ARHGAP31: variants seen among roughly 807,000 people sequenced by gnomAD.
The protein encoded by ARHGAP31 is Rho GTPase activating protein 31.
In ARHGAP31, 34 loss-of-function variants were observed where a neutral mutation model predicts 113.9. The ratio of observed to expected loss-of-function variants is 0.30; its 90% confidence interval spans 0.23 to 0.40. The LOEUF (loss-of-function observed/expected upper bound fraction) is 0.40. ARHGAP31 is among the 10% of genes least tolerant of loss of function. ARHGAP31 has a pLI of 1.00. For synonymous variants in ARHGAP31, 650 were observed against 684.8 expected, an observed-to-expected ratio of 0.95 and a Z score of 0.79; for missense variants, 1,548 against 1,767.1, an observed-to-expected ratio of 0.88 and a Z score of 2.22.
Position 119,401,821 on chromosome 3 carries a change from G to A in ARHGAP31, c.1070-1G>A. The stretch of plus-strand genomic sequence containing the variant: ...ACCATACACTTGTTCCTTTTTACTA[G>A]GAAAAGAAACCAAGGGAAATTTCAA... On this transcript the variant is annotated splice_acceptor_variant, in intron 9 of 11. Coordinates refer to ENST00000264245, the MANE Select transcript of ARHGAP31 (RefSeq NM_020754.4). LOFTEE classifies it high-confidence loss of function. 1 of 1,613,794 alleles carries A rather than the reference G, an allele frequency of 6.2e-7. No individual in the cohort carries two copies. Among genetic ancestry groups the A allele is most frequent in the Non-Finnish European group, 8.5e-7 (1 of 1,179,972 alleles).
At position 119,414,092 on chromosome 3, in the gene ARHGAP31, T is replaced by G; in HGVS notation, c.2163T>G (p.Asp721Glu). The G allele has an allele frequency of 6.2e-7, 1 of 1,614,006 alleles. No homozygotes were observed. Among genetic ancestry groups the G allele is most frequent in the Non-Finnish European group, 8.5e-7 (1 of 1,180,010 alleles). Residue 721 changes from aspartate to glutamate, a missense_variant, in exon 12 of 12, where the codon GAT becomes GAG. Asp to Glu is a conservative substitution (Grantham distance 45). Coordinates refer to ENST00000264245, the MANE Select transcript of ARHGAP31 (RefSeq NM_020754.4). ...VSTPLEVWTR[D>E]PANQSTQGAS... ...CCCCTCTGGAGGTGTGGACTAGGGATCCAGCCAATCAGAGCACACAGGGGG... is the reference window on the plus strand; with the variant it reads ...CCCCTCTGGAGGTGTGGACTAGGGAGCCAGCCAATCAGAGCACACAGGGGG...
chr3:119,306,621 A>G (rs2079632734), intron 1 of ARHGAP31, among the ~76,000 whole-genome samples: 4 of 152,220 alleles, frequency 2.6e-5, no homozygotes, highest in Admixed American at 2.6e-4. Context: ...TGGAGAACAT[A>G]TGATTCTACC....
intron 1 of ARHGAP31, among the ~76,000 whole-genome samples, chr3:119,303,112 A>G (rs2079599678): frequency 6.6e-6 from 1 of 152,196 alleles, no homozygotes; most frequent in African/African-American, 2.4e-5. Flanking sequence ...TATGTATGCA[A>G]ATCGATGGTG....
In ARHGAP31 at chr3:119,295,015, T is replaced by C; in HGVS notation, c.100+11T>C. 6.2e-7 allele frequency: 1 copy of C among 1,613,306 alleles called. No homozygotes were observed. Among genetic ancestry groups the C allele is most frequent in the Non-Finnish European group, 8.5e-7 (1 of 1,179,264 alleles). On this transcript the variant is annotated intron_variant, in intron 1 of 11. Transcript: ENST00000264245. Reference sequence around the variant, plus strand: ...GCTCGGGACAGGATGGTAATGTGCCTTGGCCTTTCTCCCCCGCCCCCACCT... The same window carrying C: ...GCTCGGGACAGGATGGTAATGTGCCCTGGCCTTTCTCCCCCGCCCCCACCT...
At chr3:119,405,850 A>G (rs1214630303) in intron 10 of ARHGAP31, among the ~76,000 whole-genome samples, 1 of 152,162 alleles carries the variant, frequency 6.6e-6, no homozygotes, top group Non-Finnish European at 1.5e-5. Context: ...TTTTCAGGTA[A>G]TTTTTAGGAA....
intron 3 of ARHGAP31, among the ~76,000 whole-genome samples, chr3:119,373,781 A>G (rs2080323725): frequency 6.6e-6 from 1 of 152,092 alleles, no homozygotes; most frequent in Non-Finnish European, 1.5e-5. Flanking sequence ...GCTTTTTTAT[A>G]GTTTTCTGTT....
At chr3:119,300,310 C>T (rs2079569928) in intron 1 of ARHGAP31, among the ~76,000 whole-genome samples, 1 of 152,184 alleles carries the variant, frequency 6.6e-6, no homozygotes, top group South Asian at 2.1e-4. Flanking sequence ...AGCATCACCA[C>T]CTACCATCCA....
rs537225671 is a variant in ARHGAP31 at position 119,419,307 on chromosome 3, T to G, written c.*3043T>G. The stretch of plus-strand genomic sequence containing the variant: ...CATGTACTGACGTTTTCTTTCAGCA[T>G]TAGTGGTTGCTTAAGAAAATAGTAA... On this transcript the variant is annotated 3_prime_UTR_variant, in exon 12 of 12. Transcript: ENST00000264245. The G allele has an allele frequency of 6.6e-6, 1 of 152,354 alleles. No individual in the cohort carries two copies. Among genetic ancestry groups the G allele is most frequent in the East Asian group, 1.9e-4 (1 of 5,192 alleles). 9.4% of individuals were successfully genotyped at this position (152,354 alleles called of 1,614,324 possible).
At chr3:119,296,870 C>A (rs2107590190) in intron 1 of ARHGAP31, among the ~76,000 whole-genome samples, 1 of 152,326 alleles carries the variant, frequency 6.6e-6, no homozygotes, top group South Asian at 2.1e-4. Flanking sequence ...GGTTGTACAG[C>A]TAATCATGAA....
At chr3:119,372,111 T>C (rs2080303344) in intron 3 of ARHGAP31, among the ~76,000 whole-genome samples, 1 of 152,162 alleles carries the variant, frequency 6.6e-6, no homozygotes, top group Non-Finnish European at 1.5e-5. Context: ...TATGTTCCTT[T>C]GGATATATAC....
At chr3:119,335,948 G>C (rs888530924) in intron 1 of ARHGAP31, among the ~76,000 whole-genome samples, 2 of 152,120 alleles carry the variant, frequency 1.3e-5, no homozygotes, top group Non-Finnish European at 2.9e-5. Flanking sequence ...CAAGGTGTGC[G>C]GATCACTTGA....
intron 10 of ARHGAP31, among the ~76,000 whole-genome samples, chr3:119,408,278 A>G (rs1356579209): frequency 6.6e-6 from 1 of 152,242 alleles, no homozygotes; most frequent in African/African-American, 2.4e-5. Context: ...TTACATATTC[A>G]AAGATAAAAC....
chr3:119,371,528 T>G (rs1249066659), intron 3 of ARHGAP31, among the ~76,000 whole-genome samples: 1 of 152,210 alleles, frequency 6.6e-6, no homozygotes, highest in East Asian at 1.9e-4. Flanking sequence ...TTTAATAGAT[T>G]TCTTTGATCA....
At chr3:119,351,903 G>A (rs2080113831) in intron 1 of ARHGAP31, among the ~76,000 whole-genome samples, 1 of 152,242 alleles carries the variant, frequency 6.6e-6, no homozygotes, top group Non-Finnish European at 1.5e-5. Flanking sequence ...TGATTCCACT[G>A]ATGTGTGCTT....
chr3:119,359,936 C>G (rs1456021635), intron 1 of ARHGAP31, among the ~76,000 whole-genome samples: 3 of 152,004 alleles, frequency 2.0e-5, no homozygotes, highest in Admixed American at 6.6e-5. Flanking sequence ...TCTTGTCTCC[C>G]TCATTATCTT....
intron 1 of ARHGAP31, among the ~76,000 whole-genome samples, chr3:119,364,977 C>T (rs1266401513): frequency 6.6e-6 from 1 of 152,000 alleles, no homozygotes; most frequent in Admixed American, 6.6e-5. Flanking sequence ...GCCTGTAATC[C>T]CAGCTACTCG....
At chr3:119,399,307 G>A in intron 9 of ARHGAP31, 46 bp downstream of exon 9, 1 of 1,515,196 alleles carries the variant, frequency 6.6e-7, no homozygotes. Context: ...ACAACTAGGA[G>A]GCTGGAGCTC....
At chr3:119,306,846 C>T (rs1025122413) in intron 1 of ARHGAP31, among the ~76,000 whole-genome samples, 2 of 152,104 alleles carry the variant, frequency 1.3e-5, no homozygotes, top group African/African-American at 4.8e-5. Context: ...CTATGTGAAA[C>T]GACACGATTT....
intron 1 of ARHGAP31, among the ~76,000 whole-genome samples, chr3:119,340,273 GAA>G (rs770109755): frequency 4.0e-4 from 61 of 152,334 alleles, no homozygotes; most frequent in South Asian, 1.2e-3. Context: ...TGGCACACAT[GAA>G]GGGTCTAGTG....
Sources: allele counts gnomAD v4.1 joint callset (sites outside exome capture counted in the v4.1 genomes callset), GRCh38; gene constraint gnomAD v4.1.1; transcripts MANE v1.5; gene names NCBI Gene and HGNC (gene_info 2026-07-23, HGNC 2026-07-21).